Variants in PCDH7 observed in about 807,000 individuals in gnomAD.
PCDH7 encodes the protein protocadherin-7.
PCDH7 carries 17 observed loss-of-function variants against 58.9 expected under a neutral mutation model. The observed-to-expected ratio is 0.29, with a 90% CI of 0.20 to 0.43. The LOEUF (loss-of-function observed/expected upper bound fraction) is 0.43, where lower values mean the gene tolerates loss of function less well. PCDH7 is among the 20% of genes least tolerant of loss of function. PCDH7 has a pLI of 1.00. For missense variants in PCDH7, 1,274 were observed against 1,441.0 expected (o/e 0.88, Z 1.88); for synonymous variants, 664 against 616.4 (o/e 1.08, Z -1.14).
intron 1 of PCDH7, among the ~76,000 whole-genome samples, chr4:30,828,875 T>G (rs1729431609): frequency 6.6e-6 from 1 of 152,064 alleles, no homozygotes. Context: ...ATTTTAATAG[T>G]GACAGTTAAT....
At chr4:31,045,463 G>C (rs577100071) in intron 3 of PCDH7, among the ~76,000 whole-genome samples, 1 of 152,068 alleles carries the variant, frequency 6.6e-6, no homozygotes, top group Admixed American at 6.6e-5. Flanking sequence ...ACTAAATTAA[G>C]AGATTCACAC....
At chr4:30,888,698 G>A (rs1279938393) in intron 1 of PCDH7, among the ~76,000 whole-genome samples, 1 of 152,120 alleles carries the variant, frequency 6.6e-6, no homozygotes, top group African/African-American at 2.4e-5. Flanking sequence ...ATTGAATGAA[G>A]TGATATCTGA....
intron 2 of PCDH7, among the ~76,000 whole-genome samples, chr4:30,922,536 A>G (rs576212518): frequency 6.6e-6 from 1 of 152,248 alleles, no homozygotes; most frequent in East Asian, 1.9e-4. Context: ...TGACAAACAC[A>G]TATCGGTTAC....
intron 1 of PCDH7, among the ~76,000 whole-genome samples, chr4:30,919,300 A>ATTTGT (rs1742879839): frequency 6.7e-6 from 1 of 148,998 alleles, no homozygotes; most frequent in African/African-American, 2.5e-5. Context: ...ATTTATTTTA[A>ATTTGT]TTTATTTTAT....
At chr4:31,083,511 A>G (rs1231327056) in intron 3 of PCDH7, among the ~76,000 whole-genome samples, 1 of 152,204 alleles carries the variant, frequency 6.6e-6, no homozygotes, top group Admixed American at 6.5e-5. Context: ...AATAGAAAGC[A>G]TCTTTTTTGC....
At chr4:31,112,872 A>G (rs1716496232) in intron 3 of PCDH7, among the ~76,000 whole-genome samples, 2 of 152,152 alleles carry the variant, frequency 1.3e-5, no homozygotes, top group South Asian at 4.1e-4. Context: ...TAGAGTATTT[A>G]GTAGAGAGGA....
At chr4:30,780,387 G>T (rs1722620299) in intron 1 of PCDH7, among the ~76,000 whole-genome samples, 1 of 151,830 alleles carries the variant, frequency 6.6e-6, no homozygotes, top group Non-Finnish European at 1.5e-5. Context: ...CATGCCTGTA[G>T]TCCCAACTAC....
chr4:30,897,128 T>A (rs1339607765), intron 1 of PCDH7, among the ~76,000 whole-genome samples: 5 of 151,960 alleles, frequency 3.3e-5, no homozygotes, highest in African/African-American at 1.2e-4. Context: ...TTGTTCTTGA[T>A]CTCCTGACCT....
intron 3 of PCDH7, among the ~76,000 whole-genome samples, chr4:31,037,207 G>A (rs2109197266): frequency 6.6e-6 from 1 of 152,102 alleles, no homozygotes; most frequent in Non-Finnish European, 1.5e-5. Context: ...CCCCATCTCT[G>A]CCTTGTTCTC....
At chr4:30,886,645 A>G (rs1231055245) in intron 1 of PCDH7, among the ~76,000 whole-genome samples, 3 of 150,420 alleles carry the variant, frequency 2.0e-5, no homozygotes, top group Admixed American at 6.6e-5. Context: ...AGGACTATAA[A>G]TCATGCTGCT....
chr4:31,085,593 T>G (rs1712304542), intron 3 of PCDH7, among the ~76,000 whole-genome samples: 1 of 151,968 alleles, frequency 6.6e-6, no homozygotes, highest in Admixed American at 6.6e-5. Flanking sequence ...AAGTTAGATC[T>G]CTTTCACTGT....
chr4:30,934,623 A>G (rs1436257118), intron 2 of PCDH7, among the ~76,000 whole-genome samples: 1 of 151,972 alleles, frequency 6.6e-6, no homozygotes, highest in Non-Finnish European at 1.5e-5. Context: ...TCTTTATAAT[A>G]CCTTATCTAT....
intron 3 of PCDH7, among the ~76,000 whole-genome samples, chr4:31,116,071 A>G (rs1278894478): frequency 6.6e-6 from 1 of 152,222 alleles, no homozygotes; most frequent in Non-Finnish European, 1.5e-5. Context: ...TTAGATTTCT[A>G]CAAGACTCCA....
chr4:31,047,937 A>G (rs961670480), intron 3 of PCDH7, among the ~76,000 whole-genome samples: 1 of 152,062 alleles, frequency 6.6e-6, no homozygotes, highest in Non-Finnish European at 1.5e-5. Context: ...TTAAATGTCC[A>G]CATGCATAGA....
Position 30,722,935 on chromosome 4 carries a change from A to G in PCDH7, c.1513A>G (p.Ile505Val), listed in dbSNP as rs759687275. Residue 505 changes from isoleucine (I) to valine (V), a missense_variant, in exon 1 of 2, where the codon ATC (isoleucine) becomes GTC (valine). By Grantham distance (29) the Ile-to-Val change is conservative. Transcript: ENST00000361762. The surrounding 1 kb of genome is among the most constrained non-coding windows in gnomAD (Gnocchi z 7.6). ...GGCCACCCGGGAGTTCAACGTGGTC[A>G]TCGTGGCGGTGGACTCAGGCAGCCC... 1.2e-6 allele frequency: 2 copies of G among 1,613,568 alleles called. No individual in the cohort carries two copies. The highest frequency in any genetic ancestry group is 2.7e-5 in the African/African-American group (2 of 74,928).
intron 1 of PCDH7, among the ~76,000 whole-genome samples, chr4:30,823,038 A>C (rs1728574165): frequency 6.6e-6 from 1 of 152,176 alleles, no homozygotes; most frequent in Non-Finnish European, 1.5e-5. Flanking sequence ...GCATCACCAG[A>C]AATGAGCTTT....
intron 1 of PCDH7, among the ~76,000 whole-genome samples, chr4:30,756,266 G>T (rs35977739): frequency 6.6e-6 from 1 of 151,804 alleles, no homozygotes; most frequent in Admixed American, 6.6e-5. Context: ...ATGGCACCCC[G>T]CTGTTCATGA....
intron 1 of PCDH7, among the ~76,000 whole-genome samples, chr4:30,870,513 T>A (rs771402854): frequency 1.8e-4 from 27 of 152,064 alleles, no homozygotes; most frequent in Non-Finnish European, 3.8e-4. Context: ...ATTTGGAAAT[T>A]TTTGTATTTG....
chr4:30,837,899 T>TTA (rs5857206), intron 1 of PCDH7, among the ~76,000 whole-genome samples: 5,546 of 146,086 alleles, frequency 0.038, 285 homozygotes, highest in African/African-American at 0.12. Flanking sequence ...TATGTATATT[T>TTA]TATATATATA....
Sources: allele counts gnomAD v4.1 joint callset (sites outside exome capture counted in the v4.1 genomes callset), GRCh38; gene constraint gnomAD v4.1.1; non-coding constraint Gnocchi (gnomAD v3.1); transcripts MANE v1.5; gene names NCBI Gene and HGNC (gene_info 2026-07-23, HGNC 2026-07-21).